PITPNC1: variants seen among roughly 807,000 people sequenced by gnomAD.
The protein encoded by PITPNC1 is cytoplasmic phosphatidylinositol transfer protein 1.
In PITPNC1, 18 loss-of-function variants were observed where a neutral mutation model predicts 44.7. That is an observed-to-expected ratio of 0.40 (90% CI 0.28 to 0.60). PITPNC1 has a LOEUF of 0.60. Ranked by LOEUF, PITPNC1 falls within the 20% of genes least tolerant of loss-of-function variation. The pLI, the probability that PITPNC1 is intolerant of heterozygous loss-of-function variation, is 0.39. For synonymous variants in PITPNC1, 141 were observed against 149.6 expected (o/e 0.94, Z 0.42); for missense variants, 290 against 418.4 (o/e 0.69, Z 2.68).
intron 1 of PITPNC1, among the ~76,000 whole-genome samples, chr17:67,407,353 T>A (rs1041585172): frequency 6.6e-6 from 1 of 152,346 alleles, no homozygotes; most frequent in South Asian, 2.1e-4. Flanking sequence ...TCAGTTGGGT[T>A]ACATGTCTTC....
Position 67,382,952 on chromosome 17 carries a change from C to T in PITPNC1, c.48+4750C>T, listed in dbSNP as rs943226134. On this transcript the variant is annotated intron_variant, in intron 1 of 8. Coordinates refer to ENST00000581322, the MANE Select transcript of PITPNC1 (RefSeq NM_012417.4). Reference sequence around the variant, plus strand: ...ATTCTAGAGTTTTAGACTTAGAAGGCGTATTGGAGATGATTTATAATTGAG... The same window carrying T: ...ATTCTAGAGTTTTAGACTTAGAAGGTGTATTGGAGATGATTTATAATTGAG... Among the ~76,000 whole-genome samples, 16 of 151,746 alleles carry T rather than the reference C, an allele frequency of 1.1e-4. No individual in the cohort carries two copies. The East Asian group carries it at 2.1e-3, about 20-fold the overall frequency.
At chr17:67,546,979 A>T (rs1482770923) in intron 2 of PITPNC1, among the ~76,000 whole-genome samples, 1 of 152,212 alleles carries the variant, frequency 6.6e-6, no homozygotes, top group Non-Finnish European at 1.5e-5. Context: ...ATAGAACTGG[A>T]TGGGGGCAAT....
intron 1 of PITPNC1, among the ~76,000 whole-genome samples, chr17:67,454,815 T>C (rs372574518): frequency 4.9e-4 from 69 of 141,798 alleles, no homozygotes; most frequent in African/African-American, 1.8e-3. Context: ...TTATTTTTTA[T>C]TTTCCTTTTT....
chr17:67,594,133 C>T (rs779825044), intron 5 of PITPNC1, among the ~76,000 whole-genome samples: 5 of 152,096 alleles, frequency 3.3e-5, no homozygotes, highest in Admixed American at 2.0e-4. Flanking sequence ...CACCAGCCTT[C>T]GACCAAATAG....
At chr17:67,478,472 C>G (rs2949922) in intron 1 of PITPNC1, among the ~76,000 whole-genome samples, 1 of 152,010 alleles carries the variant, frequency 6.6e-6, no homozygotes, top group East Asian at 1.9e-4. Context: ...CCTTCTCTGC[C>G]GTTTTCAACA....
chr17:67,688,541 C>T (rs572705121), intron 8 of PITPNC1, among the ~76,000 whole-genome samples: 1 of 151,776 alleles, frequency 6.6e-6, no homozygotes, highest in Non-Finnish European at 1.5e-5. Context: ...TTGCAAGGGC[C>T]CTAACTCTTC....
intron 1 of PITPNC1, among the ~76,000 whole-genome samples, chr17:67,499,447 G>T (rs1320243463): frequency 1.3e-5 from 2 of 151,284 alleles, no homozygotes; most frequent in African/African-American, 2.4e-5. Flanking sequence ...GAACTCCTGG[G>T]CTCAAGCAAT....
At chr17:67,552,814 A>G (rs2040785908) in intron 3 of PITPNC1, among the ~76,000 whole-genome samples, 1 of 152,046 alleles carries the variant, frequency 6.6e-6, no homozygotes, top group African/African-American at 2.4e-5. Flanking sequence ...TCAAAAAAAA[A>G]AAAAAAAAAA....
At chr17:67,480,385 A>G (rs902462924) in intron 1 of PITPNC1, among the ~76,000 whole-genome samples, 4 of 152,240 alleles carry the variant, frequency 2.6e-5, no homozygotes, top group Non-Finnish European at 4.4e-5. Flanking sequence ...ACAGATATGT[A>G]AAGGTTTATG....
chr17:67,585,349 T>C (rs1224832555), intron 5 of PITPNC1, among the ~76,000 whole-genome samples: 2 of 152,108 alleles, frequency 1.3e-5, no homozygotes, highest in Non-Finnish European at 2.9e-5. Context: ...CTATGAGATA[T>C]ATGTTCCCCC....
intron 1 of PITPNC1, among the ~76,000 whole-genome samples, chr17:67,417,269 A>G (rs2038603172): frequency 6.6e-6 from 1 of 152,056 alleles, no homozygotes; most frequent in South Asian, 2.1e-4. Context: ...CTAGGACTAC[A>G]GGGACATGCC....
chr17:67,604,167 A>C (rs2041579707), intron 5 of PITPNC1, among the ~76,000 whole-genome samples: 1 of 152,240 alleles, frequency 6.6e-6, no homozygotes, highest in Non-Finnish European at 1.5e-5. Flanking sequence ...TTTTATTACT[A>C]GGAATTTTCT....
chr17:67,483,714 C>T (rs1035450514), intron 1 of PITPNC1, among the ~76,000 whole-genome samples: 3 of 152,142 alleles, frequency 2.0e-5, no homozygotes, highest in African/African-American at 7.2e-5. Flanking sequence ...ACTGAAGTAC[C>T]AATAACTTGG....
chr17:67,456,376 T>TAC (rs2039254806), intron 1 of PITPNC1, among the ~76,000 whole-genome samples: 4 of 152,232 alleles, frequency 2.6e-5, no homozygotes, highest in Non-Finnish European at 5.9e-5. Context: ...AAACCAGCTA[T>TAC]TAATAACCTG....
At chr17:67,427,331 C>T (rs1481304546) in intron 1 of PITPNC1, among the ~76,000 whole-genome samples, 1 of 152,186 alleles carries the variant, frequency 6.6e-6, no homozygotes, top group African/African-American at 2.4e-5. Flanking sequence ...CTGCTTCAGC[C>T]TCCCGAGTAG....
chr17:67,445,195 A>T (rs35450736), intron 1 of PITPNC1, among the ~76,000 whole-genome samples: 1 of 151,734 alleles, frequency 6.6e-6, no homozygotes, highest in Non-Finnish European at 1.5e-5. Flanking sequence ...TTGCCCTGTG[A>T]TATGGGTTCA....
At chr17:67,524,781 G>T (rs1434840392) in intron 1 of PITPNC1, 1 of 444 alleles carries the variant, frequency 2.3e-3, no homozygotes, top group Non-Finnish European at 4.2e-3. Flanking sequence ...TTTTTTTTTT[G>T]AGACGGAGTC....
intron 1 of PITPNC1, among the ~76,000 whole-genome samples, chr17:67,513,377 ATATC>A (rs1337291178): frequency 4.8e-5 from 7 of 145,374 alleles, no homozygotes; most frequent in Non-Finnish European, 7.4e-5. Flanking sequence ...ATCTATATCT[ATATC>A]TATATCTATA....
At chr17:67,547,466 C>A (rs1022640964) in intron 2 of PITPNC1, among the ~76,000 whole-genome samples, 1 of 152,070 alleles carries the variant, frequency 6.6e-6, no homozygotes, top group African/African-American at 2.4e-5. Context: ...CAGTGAGATA[C>A]GATCATGCCA....
Sources: gnomAD v4.1 joint callset for allele counts (sites outside exome capture counted in the v4.1 genomes callset) on GRCh38, gnomAD v4.1.1 for gene constraint, MANE v1.5 for transcripts, NCBI Gene and HGNC (gene_info 2026-07-23, HGNC 2026-07-21) for gene names.